PRSS23: variants seen among roughly 807,000 people sequenced by gnomAD.
The protein encoded by PRSS23 is protease, serine 23.
PRSS23 carries 25 observed loss-of-function variants against 34.7 expected under a neutral mutation model. The observed-to-expected ratio is 0.72, with a 90% CI of 0.53 to 1.01. The LOEUF (loss-of-function observed/expected upper bound fraction) is 1.01. Ranked by LOEUF, PRSS23 falls within the 50% of genes least tolerant of loss-of-function variation. The probability of loss-of-function intolerance (pLI) is 0.00; values close to 1 mark genes in which losing one functional copy is unlikely to be tolerated. For synonymous variants in PRSS23, 176 were observed against 186.6 expected (o/e 0.94, Z 0.46); for missense variants, 445 against 475.6 (o/e 0.94, Z 0.60).
chr11:86,828,253 CTTCT>C (rs1948320099), intron 2 of PRSS23, among the ~76,000 whole-genome samples: 1 of 152,112 alleles, frequency 6.6e-6, no homozygotes, highest in African/African-American at 2.4e-5. Flanking sequence ...ACGTAATGGC[CTTCT>C]TTGTCTCTTT....
rs1379636592 is a variant in PRSS23, at chr11:86,808,885, T to A, written c.*90T>A. 3.6e-5 allele frequency: 12 copies of A among 330,518 alleles called. No individual in the cohort carries two copies. Among genetic ancestry groups the A allele is most frequent in the Non-Finnish European group, 2.1e-5 (4 of 193,730 alleles). The allele number at this position is 330,518 out of a possible 1,614,324, so 20.5% of individuals were successfully genotyped here. A position where few individuals can be genotyped will look rare whatever the true frequency, so the allele number is the denominator to read the frequency against. On this transcript the variant is annotated 3_prime_UTR_variant, in exon 2 of 2. Coordinates refer to ENST00000280258, the MANE Select transcript of PRSS23 (RefSeq NM_007173.6). ...GTTTTTTGTCATTGGCGTGCACACGTGTGTGTGTGTGTGTGTGTGTGTGTA... is the reference window on the plus strand; with the variant it reads ...GTTTTTTGTCATTGGCGTGCACACGAGTGTGTGTGTGTGTGTGTGTGTGTA...
At chr11:86,917,683 T>A (rs1003436982) in intron 2 of PRSS23, among the ~76,000 whole-genome samples, 1 of 152,248 alleles carries the variant, frequency 6.6e-6, no homozygotes, top group Non-Finnish European at 1.5e-5. Context: ...ATCCTGGCTA[T>A]CATCCCACAG....
rs1949208914 is a variant in PRSS23, at chr11:86,941,782, A to T, written c.207-9434A>T. 2.0e-5 allele frequency among the ~76,000 whole-genome samples: 3 copies of T among 152,322 alleles called. No individual in the cohort carries two copies. The South Asian group carries it at 6.2e-4, about 32-fold the overall frequency. On this transcript the variant is annotated intron_variant, in intron 2 of 2. Coordinates refer to the PRSS23 transcript ENST00000533902. ...AGGCTGGAGAATTTTCTTGGGGGCTAGTGCCCTAGTATCTTCCCAGAAAGT... is the reference window on the plus strand; with the variant it reads ...AGGCTGGAGAATTTTCTTGGGGGCTTGTGCCCTAGTATCTTCCCAGAAAGT...
intron 2 of PRSS23, among the ~76,000 whole-genome samples, chr11:86,894,883 T>A (rs1384910407): frequency 6.6e-6 from 1 of 152,238 alleles, no homozygotes; most frequent in African/African-American, 2.4e-5. Context: ...ATGTTTTTAA[T>A]GCTCATAGCT....
At chr11:86,952,428 T>A in exon 3 of PRSS23, 1 of 1,613,980 alleles carries the variant, frequency 6.2e-7, no homozygotes, top group Non-Finnish European at 8.5e-7. Context: ...GGGATGTTGA[T>A]CTTCTCTGTG....
At chr11:86,799,423 T>C (rs192450025), upstream of PRSS23, among the ~76,000 whole-genome samples, 3 of 152,294 alleles carry the variant, frequency 2.0e-5, no homozygotes, top group East Asian at 3.9e-4. Context: ...AGTAGCTTGA[T>C]AGAAAGCATG....
intron 2 of PRSS23, among the ~76,000 whole-genome samples, chr11:86,931,039 T>C (rs146400003): frequency 2.0e-5 from 3 of 152,266 alleles, no homozygotes; most frequent in Non-Finnish European, 4.4e-5. Context: ...TTGAAGGAGT[T>C]TAAGCAGGAA....
intron 2 of PRSS23, among the ~76,000 whole-genome samples, chr11:86,861,651 G>C (rs999249256): frequency 6.6e-6 from 1 of 151,462 alleles, no homozygotes; most frequent in African/African-American, 2.4e-5. Context: ...ATATTGCAGG[G>C]AGTGTACACC....
intron 2 of PRSS23, among the ~76,000 whole-genome samples, chr11:86,903,947 C>G (rs1239291499): frequency 1.3e-5 from 2 of 149,194 alleles, no homozygotes; most frequent in Admixed American, 6.7e-5. Flanking sequence ...GCAGGGTAAG[C>G]AATAATTTAG....
At chr11:86,835,439 G>T (rs912452417) in intron 2 of PRSS23, among the ~76,000 whole-genome samples, 3 of 152,186 alleles carry the variant, frequency 2.0e-5, no homozygotes, top group African/African-American at 7.2e-5. Context: ...GAAAAGTCTT[G>T]CCCCGTTGGC....
At chr11:86,834,465 G>A (rs907316316) in intron 2 of PRSS23, among the ~76,000 whole-genome samples, 1 of 151,424 alleles carries the variant, frequency 6.6e-6, no homozygotes, top group Non-Finnish European at 1.5e-5. Flanking sequence ...CCTGCCTTGC[G>A]GTTCTTTTGG....
chr11:86,903,926 A>T (rs889255922), intron 2 of PRSS23, among the ~76,000 whole-genome samples: 1 of 152,288 alleles, frequency 6.6e-6, no homozygotes, highest in East Asian at 1.9e-4. Context: ...CTGGTGTATG[A>T]CCTGGCATAG....
chr11:86,900,781 CTTTTTT>C (rs60869425), intron 2 of PRSS23, among the ~76,000 whole-genome samples: 4 of 94,020 alleles, frequency 4.3e-5, no homozygotes, highest in African/African-American at 8.9e-5. Context: ...ATCTCTCTCT[CTTTTTT>C]TTTTTTTTTT....
chr11:86,869,751 C>T (rs1242147169), intron 2 of PRSS23, among the ~76,000 whole-genome samples: 1 of 152,128 alleles, frequency 6.6e-6, no homozygotes, highest in Non-Finnish European at 1.5e-5. Flanking sequence ...GGAGATGGAG[C>T]CCAGGAATCT....
rs1948161254 is a variant in PRSS23, at chr11:86,810,149, T to C, written c.*1354T>C. The C allele has an allele frequency of 6.0e-6, 1 of 166,350 alleles. No homozygotes were observed. 10.3% of individuals were successfully genotyped at this position (166,350 alleles called of 1,614,324 possible). A position where few individuals can be genotyped will look rare whatever the true frequency, so the allele number is the denominator to read the frequency against. ...AATATGATTATCAAATCACAGCATA[T>C]ACAGAAAAGACTTGGACTTATTGTA... On this transcript the variant is annotated 3_prime_UTR_variant, in exon 2 of 2. Coordinates refer to ENST00000280258, the MANE Select transcript of PRSS23 (RefSeq NM_007173.6).
At chr11:86,843,510 G>A (rs1050462798) in intron 2 of PRSS23, among the ~76,000 whole-genome samples, 1 of 152,108 alleles carries the variant, frequency 6.6e-6, no homozygotes, top group Non-Finnish European at 1.5e-5. Context: ...GAAAATTTTT[G>A]CAATCTATCC....
At chr11:86,884,550 A>G (rs1449986931) in intron 2 of PRSS23, among the ~76,000 whole-genome samples, 1 of 152,020 alleles carries the variant, frequency 6.6e-6, no homozygotes, top group African/African-American at 2.4e-5. Flanking sequence ...TCTGCCCCCA[A>G]CCTGGCCTCC....
intron 2 of PRSS23, among the ~76,000 whole-genome samples, chr11:86,859,962 A>G (rs750184313): frequency 6.6e-6 from 1 of 151,986 alleles, no homozygotes; most frequent in East Asian, 1.9e-4. Flanking sequence ...GGAAGAGGAT[A>G]ATATTAATTC....
At chr11:86,887,440 G>A (rs1476771676) in intron 2 of PRSS23, among the ~76,000 whole-genome samples, 6 of 151,276 alleles carry the variant, frequency 4.0e-5, no homozygotes, top group South Asian at 2.1e-4. Context: ...AAGCATGAAC[G>A]TCCCAGCAAA....
Sources: allele counts gnomAD v4.1 joint callset (sites outside exome capture counted in the v4.1 genomes callset), GRCh38; gene constraint gnomAD v4.1.1; transcripts MANE v1.5; gene names NCBI Gene and HGNC (gene_info 2026-07-23, HGNC 2026-07-21).